ARFGEF3: variants seen among roughly 807,000 people sequenced by gnomAD.
ARFGEF3 encodes brefeldin A-inhibited guanine nucleotide-exchange protein 3.
In ARFGEF3, 96 loss-of-function variants were observed where a neutral mutation model predicts 221.7. That is an observed-to-expected ratio of 0.43 (90% CI 0.37 to 0.51). ARFGEF3 has a LOEUF of 0.51. ARFGEF3 is among the 20% of genes least tolerant of loss of function. The probability of loss-of-function intolerance (pLI) is 0.00; values close to 1 mark genes in which losing one functional copy is unlikely to be tolerated. For missense variants in ARFGEF3, 2,410 were observed against 2,789.9 expected, an observed-to-expected ratio of 0.86 and a Z score of 3.07; for synonymous variants, 1,145 against 1,126.8, an observed-to-expected ratio of 1.02 and a Z score of -0.32.
chr6:138,258,339 A>G (rs1187282462), intron 10 of ARFGEF3, among the ~76,000 whole-genome samples: 1 of 152,216 alleles, frequency 6.6e-6, no homozygotes, highest in Non-Finnish European at 1.5e-5. Flanking sequence ...ACTTCACATT[A>G]GCTTATTTAC....
At chr6:138,170,800 A>T (rs1776814969) in intron 2 of ARFGEF3, 87 bp downstream of exon 2, 2 of 795,074 alleles carry the variant, frequency 2.5e-6, no homozygotes, top group African/African-American at 3.4e-5. Context: ...AGTGTGTCTT[A>T]GTTTGTTTTG....
At chr6:138,256,941 C>T (rs1409630344) in intron 10 of ARFGEF3, among the ~76,000 whole-genome samples, 3 of 152,022 alleles carry the variant, frequency 2.0e-5, no homozygotes, top group African/African-American at 7.2e-5. Context: ...CATGACACCA[C>T]ACCTGGCTAA....
At chr6:138,168,612 C>T (rs896152278) in intron 1 of ARFGEF3, among the ~76,000 whole-genome samples, 12 of 152,228 alleles carry the variant, frequency 7.9e-5, no homozygotes, top group African/African-American at 2.4e-4. Flanking sequence ...GAGGCTGGTA[C>T]AGTCATCCAA....
Position 138,344,527 on chromosome 6 carries a change from G to A in ARFGEF3, c.*8041G>A, listed in dbSNP as rs1780481873. On this transcript the variant is annotated 3_prime_UTR_variant, in exon 34 of 34. Coordinates refer to ENST00000251691, the MANE Select transcript of ARFGEF3 (RefSeq NM_020340.5). ...ATTTTGTGTACATTTTATCTGAGGT[G>A]GAAATGAAAATTCTAAAGAGAAAAT... 6.6e-6 allele frequency: 1 copy of A among 151,912 alleles called. No homozygotes were observed. Among genetic ancestry groups the A allele is most frequent in the African/African-American group, 2.4e-5 (1 of 41,348 alleles). The allele number at this position is 151,912 out of a possible 1,614,324, so 9.4% of individuals were successfully genotyped here.
chr6:138,263,755 A>G, intron 12 of ARFGEF3, 144 bp downstream of exon 12: 1 of 739,352 alleles, frequency 1.4e-6, no homozygotes, highest in Middle Eastern at 3.9e-4. Flanking sequence ...AAGAGGGCGA[A>G]GAAATCTAAG....
Position 138,162,181 on chromosome 6 carries a change from C to T in ARFGEF3, c.85+10C>T. ...TGCACCTGGGCCCTGGGTAAGCGTC[C>T]GGCACCTGCTCGCCGCGGCGGGAGG... is the stretch of plus-strand genomic sequence containing the variant. On this transcript the variant is annotated intron_variant, in intron 1 of 33. Transcript: ENST00000251691. The surrounding 1 kb of genome is among the most constrained non-coding windows in gnomAD (Gnocchi z 4.7). The T allele has an allele frequency of 1.3e-6, 2 of 1,591,884 alleles. No homozygotes were observed. Among genetic ancestry groups the T allele is most frequent in the Non-Finnish European group, 1.7e-6 (2 of 1,167,886 alleles).
At chr6:138,306,967 A>T (rs1393829570) in intron 22 of ARFGEF3, among the ~76,000 whole-genome samples, 2 of 151,734 alleles carry the variant, frequency 1.3e-5, no homozygotes, top group African/African-American at 4.8e-5. Context: ...AAAAAAAAAA[A>T]AAAAGAAAAT....
intron 14 of ARFGEF3, among the ~76,000 whole-genome samples, chr6:138,283,887 G>T (rs1779239465): frequency 6.6e-6 from 1 of 152,178 alleles, no homozygotes; most frequent in African/African-American, 2.4e-5. Flanking sequence ...TCCCTGTTTT[G>T]GTTCTGATAG....
At chr6:138,295,892 T>C (rs1034073725) in intron 20 of ARFGEF3, among the ~76,000 whole-genome samples, 1 of 152,156 alleles carries the variant, frequency 6.6e-6, no homozygotes, top group Non-Finnish European at 1.5e-5. Flanking sequence ...CCCCAAGGGG[T>C]ACAAAAATTG....
intron 4 of ARFGEF3, among the ~76,000 whole-genome samples, chr6:138,211,923 C>T (rs1777735293): frequency 6.6e-6 from 1 of 152,110 alleles, no homozygotes; most frequent in Admixed American, 6.5e-5. Flanking sequence ...CCAATGACAC[C>T]ATTATAAACC....
intron 25 of ARFGEF3, 65 bp downstream of exon 25, chr6:138,311,575 T>C: frequency 1.8e-6 from 2 of 1,102,152 alleles, no homozygotes; most frequent in South Asian, 1.3e-5. Flanking sequence ...TGCCAAAACA[T>C]GCGTGGGGGG....
At chr6:138,202,151 C>A (rs964170615) in intron 2 of ARFGEF3, among the ~76,000 whole-genome samples, 5 of 152,174 alleles carry the variant, frequency 3.3e-5, no homozygotes, top group African/African-American at 1.2e-4. Context: ...TAAATTTGCA[C>A]GTGCCTGTGC....
chr6:138,198,179 C>T (rs77963294), intron 2 of ARFGEF3, among the ~76,000 whole-genome samples: 1,895 of 151,918 alleles, frequency 0.012, 23 homozygotes, highest in Middle Eastern at 0.034. Flanking sequence ...ATGAAATTGC[C>T]AATATTCAAC....
At position 138,323,762 on chromosome 6, in the gene ARFGEF3, A is replaced by C; in HGVS notation, c.4858A>C (p.Lys1620Gln). ...ALQDAFSATL[K>Q]PVKDLLGCFH... is the part of the protein sequence containing the mutation. ...GCAAGATGCGTTCTCTGCCACACTC[A>C]AGCCAGTGAAGGTACATCACTGGGA... is the stretch of plus-strand genomic sequence containing the variant. The change falls in exon 30 of 34, where the codon AAG (lysine) becomes CAG (glutamine). Residue 1620 changes from lysine to glutamine, a missense_variant. Physicochemically the swap from Lys to Gln is moderately conservative, Grantham distance 53. Around this residue, in one of 5 missense-constraint regions of ARFGEF3, gnomAD observed 723 missense variants for 991.9 expected, o/e 0.73. Transcript: ENST00000251691. 6.2e-7 allele frequency: 1 copy of C among 1,613,840 alleles called. No individual in the cohort carries two copies. The highest frequency in any genetic ancestry group is 1.1e-5 in the South Asian group (1 of 91,074).
At chr6:138,269,667 G>A (rs1778962657) in intron 12 of ARFGEF3, among the ~76,000 whole-genome samples, 2 of 152,020 alleles carry the variant, frequency 1.3e-5, no homozygotes, top group South Asian at 2.1e-4. Context: ...AATTAGCCGG[G>A]CATGGTGGTG....
rs1238732690 is a variant in ARFGEF3 at position 138,244,614 on chromosome 6, G to C, written c.587-899G>C. The stretch of plus-strand genomic sequence containing the variant: ...TGCTGGAAACTAGAACACATTTAGA[G>C]GGAAATTTTATTTTTCTGACATTGA... On this transcript the variant is annotated intron_variant, in intron 7 of 33. Coordinates refer to ENST00000251691, the MANE Select transcript of ARFGEF3 (RefSeq NM_020340.5). 3.3e-5 allele frequency among the ~76,000 whole-genome samples: 5 copies of C among 152,154 alleles called. No individual in the cohort carries two copies. The East Asian group carries it at 9.6e-4, about 29-fold the overall frequency.
rs1780136393 is a variant in ARFGEF3 at position 138,326,912 on chromosome 6, T to C, written c.5002-1109T>C. Among the ~76,000 whole-genome samples, 3 of 152,208 alleles carry C rather than the reference T, an allele frequency of 2.0e-5. No homozygotes were observed. The South Asian group carries it at 6.2e-4, about 31-fold the overall frequency. On this transcript the variant is annotated intron_variant, in intron 31 of 33. Coordinates refer to ENST00000251691, the MANE Select transcript of ARFGEF3 (RefSeq NM_020340.5). The stretch of plus-strand genomic sequence containing the variant: ...AAAGAAAATGTGGTGCACGGAATAC[T>C]ATGCAGTCATAAAAAGGAATGAGAT...
At chr6:138,176,094 A>G (rs1476249290) in intron 2 of ARFGEF3, among the ~76,000 whole-genome samples, 2 of 151,842 alleles carry the variant, frequency 1.3e-5, no homozygotes, top group South Asian at 2.1e-4. Flanking sequence ...TGCATGGAAT[A>G]TCTTTTCCCA....
rs1164999022 is a variant in ARFGEF3, at chr6:138,186,070, A to T, written c.137+15357A>T. On this transcript the variant is annotated intron_variant, in intron 2 of 33. Transcript: ENST00000251691. ...TCTGACTCGAAAATTGTTTTTAATTATTCTGTTTCTTCAATGCATATTTGT... is the reference window on the plus strand; with the variant it reads ...TCTGACTCGAAAATTGTTTTTAATTTTTCTGTTTCTTCAATGCATATTTGT... Among the ~76,000 whole-genome samples the T allele has an allele frequency of 2.6e-5, 4 of 152,352 alleles. No individual in the cohort carries two copies. The South Asian group carries it at 8.3e-4, about 32-fold the overall frequency.
Sources: allele counts gnomAD v4.1 joint callset (sites outside exome capture counted in the v4.1 genomes callset), GRCh38; gene constraint gnomAD v4.1.1; regional missense constraint gnomAD v4.1.1; non-coding constraint Gnocchi (gnomAD v3.1); transcripts MANE v1.5; gene names NCBI Gene and HGNC (gene_info 2026-07-23, HGNC 2026-07-21).